WNT8A: variants seen among roughly 807,000 people sequenced by gnomAD.
WNT8A encodes the protein Wnt family member 8A.
Under a neutral mutation model 20.5 loss-of-function variants are expected in WNT8A, and 14 were observed. The ratio of observed to expected loss-of-function variants is 0.68; its 90% CI spans 0.45 to 1.07. The LOEUF is 1.07. WNT8A is among the 50% of genes least tolerant of loss of function. The pLI, the probability that WNT8A is intolerant of heterozygous loss-of-function variation, is 0.00. For synonymous variants in WNT8A, 167 were observed against 169.2 expected, an observed-to-expected ratio of 0.99 and a Z score of 0.10; for missense variants, 397 against 462.9, an observed-to-expected ratio of 0.86 and a Z score of 1.31.
chr5:138,091,651 C>T (rs773740403), downstream of WNT8A: 4 of 539,672 alleles, frequency 7.4e-6, no homozygotes, highest in Non-Finnish European at 1.1e-5. Context: ...CATAGAAAGA[C>T]ACCATCTCTA....
At chr5:138,089,219 T>A in intron 4 of WNT8A, 150 bp downstream of exon 4, 1 of 1,231,656 alleles carries the variant, frequency 8.1e-7, no homozygotes, top group Non-Finnish European at 1.1e-6. Flanking sequence ...CAAAACCAAT[T>A]AAATCTGAGC....
Position 138,090,742 on chromosome 5 carries a change from T to C in WNT8A, c.779T>C (p.Leu260Pro). 1 of 1,614,216 alleles carries C rather than the reference T, an allele frequency of 6.2e-7. No individual in the cohort carries two copies. Among genetic ancestry groups the C allele is most frequent in the Non-Finnish European group, 8.5e-7 (1 of 1,180,038 alleles). Residue 260 changes from leucine (L) to proline (P), a missense_variant, in exon 5 of 5, where the codon CTT (leucine) becomes CCT (proline). By Grantham distance (98) the Leu-to-Pro change is moderately conservative. Transcript: ENST00000506684. ...EGHWVPAEAFLPSAEAELIFL... is the reference protein window; with the variant it reads ...EGHWVPAEAFPPSAEAELIFL... ...CACTGGGTGCCCGCTGAGGCCTTCCTTCCTAGCGCAGAGGCGGAACTGATC... is the reference window on the plus strand; with the variant it reads ...CACTGGGTGCCCGCTGAGGCCTTCCCTCCTAGCGCAGAGGCGGAACTGATC...
upstream of WNT8A, among the ~76,000 whole-genome samples, chr5:138,081,212 C>G (rs1337317586): frequency 3.5e-5 from 4 of 112,784 alleles, no homozygotes; most frequent in East Asian, 5.0e-4. Context: ...GGCGACAGAG[C>G]GAGACTCTGT....
chr5:138,088,123 A>G (rs1270953674), intron 3 of WNT8A, among the ~76,000 whole-genome samples, 192 bp downstream of exon 3: 2 of 152,190 alleles, frequency 1.3e-5, no homozygotes, highest in Admixed American at 6.5e-5. Flanking sequence ...TCTAGGTGTT[A>G]GCAAGTAGCT....
upstream of WNT8A, among the ~76,000 whole-genome samples, chr5:138,080,444 G>GTTTTTTGT (rs1554086769): frequency 3.6e-5 from 2 of 55,974 alleles, no homozygotes; most frequent in Non-Finnish European, 6.5e-5. Flanking sequence ...TGTAAATCTT[G>GTTTTTTGT]TTTTTTTTTT....
At chr5:138,081,038 G>A (rs1423456128), upstream of WNT8A, among the ~76,000 whole-genome samples, 3 of 151,982 alleles carry the variant, frequency 2.0e-5, no homozygotes, top group African/African-American at 7.3e-5. Flanking sequence ...TCAGGAGATC[G>A]AGACCATCCT....
chr5:138,091,994 T>C (rs886798086), downstream of WNT8A: 1 of 152,164 alleles, frequency 6.6e-6, no homozygotes, highest in South Asian at 2.1e-4. Context: ...AAGGCAATCA[T>C]GGCAGTCAGT....
upstream of WNT8A, among the ~76,000 whole-genome samples, chr5:138,081,629 C>G (rs1750514722): frequency 6.6e-6 from 1 of 151,988 alleles, no homozygotes; most frequent in Non-Finnish European, 1.5e-5. Flanking sequence ...TCTCGCTTAA[C>G]TCAAGTCTGG....
chr5:138,078,583 A>G, the WNT8A span, among the ~76,000 whole-genome samples: 1 of 152,170 alleles, frequency 6.6e-6, no homozygotes, highest in Non-Finnish European at 1.5e-5. Flanking sequence ...GTGACCAGCT[A>G]TCCTGGTTTG....
chr5:138,091,913 G>A (rs1457754586), downstream of WNT8A, among the ~76,000 whole-genome samples: 1 of 74,804 alleles, frequency 1.3e-5, no homozygotes, highest in East Asian at 6.2e-4. Flanking sequence ...TCCCACCCAC[G>A]CCTGGGGAAA....
rs1750822687 is a variant in WNT8A, at chr5:138,090,791, C to T, written c.828C>T (p.Tyr276=). The change falls in exon 5 of 5, where the codon TAC becomes TAT. Residue 276 remains tyrosine (Y), a synonymous_variant. Transcript: ENST00000506684. ...TCTTTTTAGAGGAATCACCAGATTACTGTACCTGCAATTCCAGCCTGGGCA... is the reference window on the plus strand; with the variant it reads ...TCTTTTTAGAGGAATCACCAGATTATTGTACCTGCAATTCCAGCCTGGGCA... ...ELIFLEESPD[Y]CTCNSSLGIY... 2 of 1,614,240 alleles carry T rather than the reference C, an allele frequency of 1.2e-6. No individual in the cohort carries two copies. The highest frequency in any genetic ancestry group is 1.3e-5 in the African/African-American group (1 of 75,066).
chr5:138,078,884 C>G, the WNT8A span, among the ~76,000 whole-genome samples: 1 of 152,144 alleles, frequency 6.6e-6, no homozygotes, highest in Non-Finnish European at 1.5e-5. Flanking sequence ...CCTAGGACTC[C>G]TGGAATCTCA....
intron 2 of WNT8A, among the ~76,000 whole-genome samples, chr5:138,086,096 G>A (rs1750652911): frequency 6.6e-6 from 1 of 152,096 alleles, no homozygotes; most frequent in African/African-American, 2.4e-5. Flanking sequence ...GAGTCTCACT[G>A]CCTAAAGACT....
At chr5:138,087,767 G>A (rs978513377) in intron 2 of WNT8A, 39 bp from the exon 3 acceptor site, 1 of 1,607,120 alleles carries the variant, frequency 6.2e-7, no homozygotes, top group African/African-American at 1.3e-5. Flanking sequence ...GGGTAATCAG[G>A]GTCCAGGTTT....
chr5:138,081,837 T>C (rs904090971), upstream of WNT8A, among the ~76,000 whole-genome samples: 4 of 152,218 alleles, frequency 2.6e-5, no homozygotes, highest in African/African-American at 9.6e-5. Context: ...TCCAAATTGC[T>C]ATAAAAATTT....
At chr5:138,085,678 G>A (rs990620283) in intron 2 of WNT8A, among the ~76,000 whole-genome samples, 4 of 151,700 alleles carry the variant, frequency 2.6e-5, no homozygotes, top group South Asian at 2.1e-4. Context: ...GCAAGACCTC[G>A]TCTCTACTAA....
upstream of WNT8A, among the ~76,000 whole-genome samples, chr5:138,079,108 T>G (rs1315611161): frequency 6.6e-6 from 1 of 151,828 alleles, no homozygotes; most frequent in East Asian, 1.9e-4. Context: ...CTGAAACAAT[T>G]ATTGGGTGTT....
chr5:138,091,086 C>G lies in WNT8A; in HGVS notation c.*13C>G, dbSNP rs370043435. The stretch of plus-strand genomic sequence containing the variant: ...GGGCAGTGCCTGATAATACCCCACA[C>G]AAGTTCACTTGATTAATTGCATCAG... On this transcript the variant is annotated 3_prime_UTR_variant, in exon 5 of 5. Coordinates refer to ENST00000506684, the MANE Select transcript of WNT8A (RefSeq NM_001300939.2). 6.2e-7 allele frequency: 1 copy of G among 1,600,248 alleles called. No individual in the cohort carries two copies. The highest frequency in any genetic ancestry group is 8.5e-7 in the Non-Finnish European group (1 of 1,172,328).
chr5:138,085,981 T>C (rs568258105), intron 2 of WNT8A, among the ~76,000 whole-genome samples: 1 of 151,246 alleles, frequency 6.6e-6, no homozygotes, highest in East Asian at 1.9e-4. Context: ...AAGATAAGAG[T>C]TCAGTAGGTG....
Sources: gnomAD v4.1 joint callset for allele counts (sites outside exome capture counted in the v4.1 genomes callset) on GRCh38, gnomAD v4.1.1 for gene constraint, MANE v1.5 for transcripts, NCBI Gene and HGNC (gene_info 2026-07-23, HGNC 2026-07-21) for gene names.